The following DTNA variants were observed in gnomAD, a reference collection of about 807,000 sequenced individuals.
DTNA encodes the protein dystrobrevin alpha.
A neutral mutation model predicts 100.7 loss-of-function variants in DTNA; 43 were observed. That is an observed-to-expected ratio of 0.43 (90% CI 0.33 to 0.55). The LOEUF is 0.55. DTNA is among the 20% of genes least tolerant of loss of function. DTNA has a pLI of 0.04. For missense variants in DTNA, 798 were observed against 953.9 expected, an observed-to-expected ratio of 0.84 and a Z score of 2.15; for synonymous variants, 349 against 347.9, an observed-to-expected ratio of 1.00 and a Z score of -0.04.
chr18:34,791,607 A>C (rs1048673963), intron 3 of DTNA, among the ~76,000 whole-genome samples: 6 of 152,210 alleles, frequency 3.9e-5, no homozygotes, highest in African/African-American at 1.2e-4. Flanking sequence ...AATACAAATA[A>C]TTTCCTTGTT....
intron 11 of DTNA, among the ~76,000 whole-genome samples, 166 bp downstream of exon 11, chr18:34,829,655 C>T (rs1021861934): frequency 2.6e-5 from 4 of 152,172 alleles, no homozygotes; most frequent in African/African-American, 9.7e-5. Flanking sequence ...TTGAGCTGGA[C>T]TTTGCAGCTC....
intron 1 of DTNA, among the ~76,000 whole-genome samples, chr18:34,590,816 T>A (rs1205438462): frequency 6.6e-6 from 1 of 152,212 alleles, no homozygotes; most frequent in Non-Finnish European, 1.5e-5. Flanking sequence ...AAGACTGAGT[T>A]CTAGCCATTA....
chr18:34,580,567 A>G (rs906590914), intron 1 of DTNA, among the ~76,000 whole-genome samples: 1 of 152,136 alleles, frequency 6.6e-6, no homozygotes, highest in African/African-American at 2.4e-5. Flanking sequence ...TTGGCTTTAG[A>G]TGTATTTGGG....
intron 1 of DTNA, among the ~76,000 whole-genome samples, chr18:34,569,817 A>G (rs2047414579): frequency 6.6e-6 from 1 of 152,068 alleles, no homozygotes; most frequent in Non-Finnish European, 1.5e-5. Context: ...GCCCACTCAC[A>G]TTATGGAGAC....
intron 8 of DTNA, among the ~76,000 whole-genome samples, chr18:34,820,137 C>T (rs1488119020): frequency 6.6e-6 from 1 of 151,892 alleles, no homozygotes; most frequent in East Asian, 1.9e-4. Context: ...TGGAAATAAC[C>T]TGAATTTTAA....
intron 5 of DTNA, among the ~76,000 whole-genome samples, chr18:34,809,680 G>C (rs554189334): frequency 3.9e-5 from 6 of 152,254 alleles, no homozygotes; most frequent in African/African-American, 1.4e-4. Flanking sequence ...TATTTAGCTC[G>C]TTCCAGCTAC....
rs1183734555 is a variant in DTNA, at chr18:34,890,760, G to A, written c.*3026G>A. 1 of 351,672 alleles carries A rather than the reference G, an allele frequency of 2.8e-6. No homozygotes were observed. Among genetic ancestry groups the A allele is most frequent in the African/African-American group, 2.0e-5 (1 of 48,876 alleles). 21.8% of individuals were successfully genotyped at this position (351,672 alleles called of 1,614,324 possible). A position where few individuals can be genotyped will look rare whatever the true frequency, so the allele number is the denominator to read the frequency against. ...TGGGTTCTTGAATGATCTACTATAA[G>A]GCAGGGAAGGTTCATTTGTAAGTAG... On this transcript the variant is annotated 3_prime_UTR_variant, in exon 23 of 23. Coordinates refer to ENST00000444659, the MANE Select transcript of DTNA (RefSeq NM_001386795.1).
intron 1 of DTNA, among the ~76,000 whole-genome samples, chr18:34,639,704 A>G (rs1244935884): frequency 1.3e-5 from 2 of 152,224 alleles, no homozygotes; most frequent in African/African-American, 4.8e-5. Flanking sequence ...GACCTACTCC[A>G]GGACTCAGAA....
intron 1 of DTNA, chr18:34,494,122 C>T (rs1249290027): frequency 1.3e-5 from 2 of 151,990 alleles, no homozygotes; most frequent in African/African-American, 2.4e-5. Flanking sequence ...TCCTTCGCGT[C>T]GCGGGTTGAG....
chr18:34,557,343 C>A (rs1323086392), intron 1 of DTNA, among the ~76,000 whole-genome samples: 1 of 149,200 alleles, frequency 6.7e-6, no homozygotes, highest in African/African-American at 2.5e-5. Flanking sequence ...GTAATTTGAT[C>A]GTCTGAAGCC....
chr18:34,654,517 A>G (rs2144126034), intron 1 of DTNA, among the ~76,000 whole-genome samples: 1 of 152,312 alleles, frequency 6.6e-6, no homozygotes, highest in African/African-American at 2.4e-5. Context: ...GCCAGTGTAT[A>G]CTCAGAACAC....
intron 1 of DTNA, among the ~76,000 whole-genome samples, chr18:34,506,185 G>A (rs894631688): frequency 9.2e-5 from 14 of 152,158 alleles, no homozygotes; most frequent in South Asian, 2.1e-4. Context: ...AGAAGAGGGG[G>A]CCTAATGACT....
At chr18:34,826,476 T>C (rs1171389039) in intron 9 of DTNA, among the ~76,000 whole-genome samples, 2 of 152,180 alleles carry the variant, frequency 1.3e-5, no homozygotes, top group African/African-American at 4.8e-5. Flanking sequence ...CATTGGGATA[T>C]GCAAGTCTAC....
chr18:34,774,106 G>T (rs774702912), intron 3 of DTNA, among the ~76,000 whole-genome samples: 7 of 152,214 alleles, frequency 4.6e-5, no homozygotes, highest in Non-Finnish European at 1.0e-4. Flanking sequence ...TCACAGCTGA[G>T]GAAAAACCAT....
intron 1 of DTNA, among the ~76,000 whole-genome samples, chr18:34,739,520 G>A (rs1256723538): frequency 6.6e-6 from 1 of 152,172 alleles, no homozygotes; most frequent in Non-Finnish European, 1.5e-5. Context: ...TTGCTTCCTT[G>A]AAAGGACTTC....
At chr18:34,865,047 C>A (rs2096679676) in intron 17 of DTNA, among the ~76,000 whole-genome samples, 1 of 152,132 alleles carries the variant, frequency 6.6e-6, no homozygotes, top group East Asian at 1.9e-4. Context: ...GATCATCCTG[C>A]CTGATATAAA....
chr18:34,577,040 T>A (rs565702012), intron 1 of DTNA, among the ~76,000 whole-genome samples: 2 of 152,234 alleles, frequency 1.3e-5, no homozygotes, highest in African/African-American at 4.8e-5. Flanking sequence ...ATAAATAGTA[T>A]TTGTGTAAGA....
At chr18:34,710,279 G>A (rs944313623), upstream of DTNA, 1 of 152,168 alleles carries the variant, frequency 6.6e-6, no homozygotes, top group African/African-American at 2.4e-5. Context: ...TTAGATTGCT[G>A]TGTGTTGAGC....
chr18:34,560,154 T>A (rs764144749), intron 1 of DTNA, among the ~76,000 whole-genome samples: 8 of 152,180 alleles, frequency 5.3e-5, no homozygotes, highest in Non-Finnish European at 7.3e-5. Context: ...TCCCTAATCA[T>A]CCTCTCTGGG....
Sources: gnomAD v4.1 joint callset for allele counts (sites outside exome capture counted in the v4.1 genomes callset) on GRCh38, gnomAD v4.1.1 for gene constraint, MANE v1.5 for transcripts, NCBI Gene and HGNC (gene_info 2026-07-23, HGNC 2026-07-21) for gene names.